The following USP32 variants were observed in gnomAD, a reference collection of about 807,000 sequenced individuals.
USP32 encodes the protein ubiquitin carboxyl-terminal hydrolase 32.
USP32 carries 59 observed loss-of-function variants against 204.8 expected under a neutral mutation model. That is an observed-to-expected ratio of 0.29 (90% CI 0.23 to 0.36). The LOEUF is 0.36. USP32 is among the 10% of genes least tolerant of loss of function. USP32 has a pLI of 1.00. For synonymous variants in USP32, 517 were observed against 678.4 expected, an observed-to-expected ratio of 0.76 and a Z score of 3.70; for missense variants, 1,160 against 1,946.4, an observed-to-expected ratio of 0.60 and a Z score of 7.60.
chr17:60,226,344 A>AAC, intron 12 of USP32, 113 bp from the exon 13 acceptor site: 3 of 972,542 alleles, frequency 3.1e-6, no homozygotes, highest in Non-Finnish European at 4.3e-6. Flanking sequence ...GTGGTTGGCC[A>AAC]CAGACATTTA....
In USP32 at chr17:60,312,532, C is replaced by CCTCCCAAGAGTCCTTGGGAGTCTGAGGA. The variant is rs558160531; in HGVS notation, c.187-10856_187-10829dup. On this transcript the variant is annotated intron_variant, in intron 2 of 33. Coordinates refer to ENST00000300896, the MANE Select transcript of USP32 (RefSeq NM_032582.4). ...CCTTGACCTCCCAGGCTCAAGTGAT[C>CCTCCCAAGAGTCCTTGGGAGTCTGAGGA]CTCCCAAGAGTCCTTGGGAGTCTGA... Among the ~76,000 whole-genome samples, 572 of 151,828 alleles carry CCTCCCAAGAGTCCTTGGGAGTCTGAGGA rather than the reference C, an allele frequency of 3.8e-3. 5 individuals are homozygous for CCTCCCAAGAGTCCTTGGGAGTCTGAGGA. Among genetic ancestry groups the CCTCCCAAGAGTCCTTGGGAGTCTGAGGA allele is most frequent in the African/African-American group, 0.013 (557 of 41,346 alleles).
chr17:60,234,196 C>T (rs897500394), intron 12 of USP32, among the ~76,000 whole-genome samples: 4 of 151,364 alleles, frequency 2.6e-5, no homozygotes, highest in Admixed American at 2.0e-4. Flanking sequence ...TCACTGCAAG[C>T]TCCGCCTCCC....
chr17:60,231,248 T>C (rs1483524926), intron 12 of USP32, among the ~76,000 whole-genome samples: 2 of 152,220 alleles, frequency 1.3e-5, no homozygotes, highest in Non-Finnish European at 2.9e-5. Context: ...TACATAGGTA[T>C]GTTACAAGAA....
At chr17:60,203,382 C>T (rs913138976) in intron 26 of USP32, among the ~76,000 whole-genome samples, 6 of 104,960 alleles carry the variant, frequency 5.7e-5, no homozygotes, top group African/African-American at 2.4e-4. Context: ...GCCTGGGCGA[C>T]AGAGCGAGAC....
intron 1 of USP32, among the ~76,000 whole-genome samples, chr17:60,377,358 C>G (rs1202320766): frequency 2.0e-5 from 3 of 152,010 alleles, no homozygotes; most frequent in East Asian, 3.8e-4. Flanking sequence ...TTTAAAAGTG[C>G]CTACAAAAGC....
chr17:60,256,415 T>G (rs2086306745), intron 9 of USP32, among the ~76,000 whole-genome samples: 2 of 152,198 alleles, frequency 1.3e-5, no homozygotes. Context: ...GCAGAGGAAG[T>G]GCTGTGATAA....
intron 7 of USP32, 21 bp from the exon 8 acceptor site, chr17:60,266,112 T>C (rs747926052): frequency 2.0e-5 from 32 of 1,574,482 alleles, no homozygotes; most frequent in African/African-American, 1.8e-4. Flanking sequence ...GAAACTCTTA[T>C]GGAGGAAAAT....
chr17:60,284,388 ATT>A (rs933909584), intron 5 of USP32, among the ~76,000 whole-genome samples: 1 of 139,450 alleles, frequency 7.2e-6, no homozygotes, highest in Non-Finnish European at 1.6e-5. Flanking sequence ...TAATTTTTGT[ATT>A]TTTTTTTTTT....
Position 60,179,400 on chromosome 17 carries a change from T to C in USP32, c.4670A>G (p.Asp1557Gly). 1.2e-6 allele frequency: 2 copies of C among 1,612,442 alleles called. No homozygotes were observed. Among genetic ancestry groups the C allele is most frequent in the Non-Finnish European group, 1.7e-6 (2 of 1,179,814 alleles). The change falls in exon 34 of 34, where the codon GAC becomes GGC. Residue 1557 changes from aspartate (D) to glycine (G), a missense_variant. Around this residue, in one of 8 missense-constraint regions of USP32, gnomAD observed 244 missense variants for 342.3 expected, o/e 0.71. Coordinates refer to ENST00000300896, the MANE Select transcript of USP32 (RefSeq NM_032582.4). ...KELHPDEIDT[D>G]SAYILFYEQQ... ...CTCATAGAAAAGAATGTAGGCAGAG[T>C]CGGTGTCAATTTCATCCGGGTGAAG... is the stretch of plus-strand genomic sequence containing the variant.
intron 28 of USP32, 86 bp downstream of exon 28, chr17:60,192,758 C>A: frequency 6.7e-7 from 1 of 1,498,484 alleles, no homozygotes; most frequent in African/African-American, 1.4e-5. Context: ...TCACTATTTA[C>A]TTCTCAAAAC....
chr17:60,345,953 G>A (rs575598410), intron 1 of USP32, among the ~76,000 whole-genome samples: 2 of 151,928 alleles, frequency 1.3e-5, no homozygotes, highest in Admixed American at 6.6e-5. Context: ...CCGCACTCCA[G>A]CATGGACAAC....
rs143581535 is a variant in USP32, at chr17:60,405,468, G to A, written c.106+16778C>T. Among the ~76,000 whole-genome samples, 29 of 152,214 alleles carry A rather than the reference G, an allele frequency of 1.9e-4. No individual in the cohort carries two copies. In the East Asian group the frequency reaches 5.4e-3, roughly 28 times the overall value. ...AGTCCACCCGCCTCAACCTCCCAAA[G>A]TGCTAGGATTACAGGCATGAGCCAC... On this transcript the variant is annotated intron_variant, in intron 1 of 3. Transcript: ENST00000588898.
At chr17:60,186,492 C>A (rs1244664599) in intron 29 of USP32, among the ~76,000 whole-genome samples, 1 of 152,208 alleles carries the variant, frequency 6.6e-6, no homozygotes, top group Non-Finnish European at 1.5e-5. Flanking sequence ...GCATCTGATT[C>A]CATGTAACAC....
rs957122652 is a variant in USP32 at position 60,178,508 on chromosome 17, C to T, written c.*747G>A. Among the ~76,000 whole-genome samples the T allele has an allele frequency of 4.6e-5, 7 of 152,126 alleles. No homozygotes were observed. Among genetic ancestry groups the T allele is most frequent in the Non-Finnish European group, 8.8e-5 (6 of 68,020 alleles). ...TGTAAGATGCCTCCACTGGGAGGGC[C>T]ATGGTAGCTGGATTTCCCAGGATGC... On this transcript the variant is annotated 3_prime_UTR_variant, in exon 34 of 34. Coordinates refer to ENST00000300896, the MANE Select transcript of USP32 (RefSeq NM_032582.4).
intron 1 of USP32, among the ~76,000 whole-genome samples, chr17:60,359,146 C>G (rs2089151016): frequency 6.6e-6 from 1 of 152,130 alleles, no homozygotes. Context: ...TTTTTGGAAG[C>G]CTATTCTAAT....
chr17:60,369,639 A>G (rs980501860), intron 1 of USP32, among the ~76,000 whole-genome samples: 1 of 152,176 alleles, frequency 6.6e-6, no homozygotes, highest in African/African-American at 2.4e-5. Context: ...ATACACATTA[A>G]AAGTAGCAAT....
At chr17:60,340,683 T>C (rs2145990882) in intron 2 of USP32, among the ~76,000 whole-genome samples, 1 of 152,338 alleles carries the variant, frequency 6.6e-6, no homozygotes, top group East Asian at 1.9e-4. Context: ...AAGGTTAATA[T>C]TGTTACATGT....
chr17:60,306,662 C>T (rs944414455), intron 2 of USP32, among the ~76,000 whole-genome samples: 8 of 151,764 alleles, frequency 5.3e-5, no homozygotes, highest in African/African-American at 1.7e-4. Context: ...ATGTCTTTAG[C>T]TATTAAAAAA....
intron 1 of USP32, among the ~76,000 whole-genome samples, chr17:60,352,387 G>C (rs1050373914): frequency 6.6e-6 from 1 of 152,088 alleles, no homozygotes; most frequent in Non-Finnish European, 1.5e-5. Context: ...AGGATGGCGA[G>C]GTCAAAAAGA....
Sources: gnomAD v4.1 joint callset for allele counts (sites outside exome capture counted in the v4.1 genomes callset) on GRCh38, gnomAD v4.1.1 for gene constraint, gnomAD v4.1.1 regional missense constraint, MANE v1.5 for transcripts, NCBI Gene and HGNC (gene_info 2026-07-23, HGNC 2026-07-21) for gene names.